The following PINX1 variants were observed in gnomAD, a reference collection of about 807,000 sequenced individuals.
The protein encoded by PINX1 is PIN2 (TERF1) interacting telomerase inhibitor 1, also known as PIN2/TERF1-interacting telomerase inhibitor 1.
PINX1 carries 34 observed loss-of-function variants against 25.4 expected under a neutral mutation model. The observed-to-expected ratio is 1.34, with a 90% CI of 1.02 to 1.78. The LOEUF is 1.78. Among genes scored for constraint, PINX1 ranks in the 40% most tolerant of loss-of-function variants. The probability of loss-of-function intolerance (pLI) is 0.00; values close to 1 mark genes in which losing one functional copy is unlikely to be tolerated. For synonymous variants in PINX1, 197 were observed against 147.7 expected, an observed-to-expected ratio of 1.33 and a Z score of -2.42; for missense variants, 592 against 404.9, an observed-to-expected ratio of 1.46 and a Z score of -3.97.
intron 4 of PINX1, 92 bp downstream of exon 4, chr8:10,831,573 T>C (rs1798227343): frequency 1.2e-5 from 9 of 769,194 alleles, no homozygotes; most frequent in South Asian, 1.5e-5. Context: ...TAAATATGTA[T>C]AATTATGTGT....
chr8:10,768,856 G>C (rs915087965), intron 6 of PINX1, among the ~76,000 whole-genome samples: 1 of 152,144 alleles, frequency 6.6e-6, no homozygotes, highest in Non-Finnish European at 1.5e-5. Context: ...ATCTTTTCAA[G>C]AAAACTAATG....
At chr8:10,786,203 T>A (rs1347736433) in intron 6 of PINX1, among the ~76,000 whole-genome samples, 2 of 152,216 alleles carry the variant, frequency 1.3e-5, no homozygotes, top group South Asian at 2.1e-4. Flanking sequence ...TAAAGAGACG[T>A]TACATTTTAG....
intron 4 of PINX1, among the ~76,000 whole-genome samples, chr8:10,828,711 C>T (rs1224716560): frequency 1.3e-5 from 2 of 152,192 alleles, no homozygotes; most frequent in East Asian, 3.9e-4. Flanking sequence ...TTCACGTGCA[C>T]TCATGCCTGA....
intron 6 of PINX1, among the ~76,000 whole-genome samples, chr8:10,816,114 G>A (rs1459761396): frequency 6.6e-6 from 1 of 152,280 alleles, no homozygotes; most frequent in African/African-American, 2.4e-5. Context: ...GGGAGGCCTT[G>A]GTGGTAATGA....
intron 6 of PINX1, among the ~76,000 whole-genome samples, chr8:10,766,169 T>C (rs1586121645): frequency 6.6e-6 from 1 of 152,058 alleles, no homozygotes; most frequent in Non-Finnish European, 1.5e-5. Context: ...GGTGGGGTGG[T>C]AGATGACAGG....
In PINX1 at chr8:10,832,892, T is replaced by C; in HGVS notation, c.222A>G (p.Glu74=). ...HLGLGATINN[E]DNWIAHQDDF... Reference sequence around the variant, plus strand: ...CCAGGAGGCACACACTGCTGCTCACTTCATTATTGATGGTAGCTCCGAGTC... The same window carrying C: ...CCAGGAGGCACACACTGCTGCTCACCTCATTATTGATGGTAGCTCCGAGTC... Residue 74 remains glutamate, a splice_region_variant and synonymous_variant, in exon 3 of 7, where the codon GAA becomes GAG. Coordinates refer to ENST00000314787, the MANE Select transcript of PINX1 (RefSeq NM_017884.6). The C allele has an allele frequency of 6.3e-7, 1 of 1,595,220 alleles. No individual in the cohort carries two copies. The highest frequency in any genetic ancestry group is 8.6e-7 in the Non-Finnish European group (1 of 1,163,674).
chr8:10,777,571 AC>A (rs1190240179), intron 6 of PINX1, among the ~76,000 whole-genome samples: 18 of 152,230 alleles, frequency 1.2e-4, no homozygotes, highest in Admixed American at 6.5e-4. Context: ...TGGCTTGGGG[AC>A]TGCAGGGAGT....
At chr8:10,767,545 T>C (rs1196976381) in intron 6 of PINX1, among the ~76,000 whole-genome samples, 2 of 152,236 alleles carry the variant, frequency 1.3e-5, no homozygotes, top group African/African-American at 4.8e-5. Context: ...TAGGGTGATT[T>C]TGAGAAAAAT....
rs767142620 is a variant in PINX1 at position 10,765,541 on chromosome 8, G to GCT, written c.845_846dup (p.Pro283SerfsTer10). ...AGGGTGAAGTCCCGGCCCTCAGGCG[G>GCT]CTGCACATGGTCCCCTGCATCCTGA... On this transcript the variant is annotated frameshift_variant, in exon 7 of 7. Coordinates refer to ENST00000314787, the MANE Select transcript of PINX1 (RefSeq NM_017884.6). LOFTEE classifies it low-confidence loss of function (END_TRUNC). 8.1e-6 allele frequency: 13 copies of GCT among 1,613,690 alleles called. No homozygotes were observed. In the East Asian group the frequency reaches 2.7e-4, roughly 33 times the overall value.
intron 2 of PINX1, chr8:10,834,383 G>A (rs960236098): frequency 1.1e-5 from 4 of 361,070 alleles, no homozygotes; most frequent in African/African-American, 8.4e-5. Flanking sequence ...GGTATCAGCA[G>A]AGGCTCTACT....
chr8:10,774,367 C>T (rs1019961420), intron 6 of PINX1, among the ~76,000 whole-genome samples: 8 of 152,044 alleles, frequency 5.3e-5, no homozygotes, highest in Admixed American at 3.3e-4. Flanking sequence ...CCGCAACCTC[C>T]GCCTCCAGGG....
At chr8:10,792,977 G>C (rs1358935541) in intron 6 of PINX1, among the ~76,000 whole-genome samples, 1 of 152,124 alleles carries the variant, frequency 6.6e-6, no homozygotes, top group African/African-American at 2.4e-5. Flanking sequence ...CCCTTGTCCA[G>C]ACTGTCTTGT....
chr8:10,770,259 T>C (rs1801182317), intron 6 of PINX1, among the ~76,000 whole-genome samples: 1 of 152,230 alleles, frequency 6.6e-6, no homozygotes, highest in Non-Finnish European at 1.5e-5. Flanking sequence ...AACAGGTCAA[T>C]TCAGGTGGTT....
intron 6 of PINX1, among the ~76,000 whole-genome samples, chr8:10,801,149 C>A (rs1802252388): frequency 1.3e-5 from 2 of 152,196 alleles, no homozygotes; most frequent in Admixed American, 6.5e-5. Flanking sequence ...CCTCAGTGAA[C>A]TCTTCTTCCC....
At chr8:10,766,422 G>C (rs1340112031) in intron 6 of PINX1, among the ~76,000 whole-genome samples, 1 of 152,212 alleles carries the variant, frequency 6.6e-6, no homozygotes, top group Non-Finnish European at 1.5e-5. Context: ...CTTCCATGAG[G>C]ACAGGAGCCG....
At chr8:10,789,727 G>C (rs1801863631) in intron 6 of PINX1, among the ~76,000 whole-genome samples, 1 of 152,092 alleles carries the variant, frequency 6.6e-6, no homozygotes, top group Non-Finnish European at 1.5e-5. Context: ...GTTCAGTATT[G>C]TCCGTATCCG....
chr8:10,830,239 T>G (rs11997941), intron 4 of PINX1, among the ~76,000 whole-genome samples: 12,043 of 152,282 alleles, frequency 0.079, 655 homozygotes, highest in African/African-American at 0.14. Context: ...TAAGGAAAAC[T>G]GTCCAAGTTA....
intron 6 of PINX1, among the ~76,000 whole-genome samples, chr8:10,808,439 G>A (rs1243627178): frequency 1.3e-5 from 2 of 152,118 alleles, no homozygotes; most frequent in African/African-American, 4.8e-5. Context: ...ATCTAGGTGC[G>A]TATATTACTT....
At chr8:10,791,781 G>A (rs1057035446) in intron 6 of PINX1, among the ~76,000 whole-genome samples, 3 of 152,114 alleles carry the variant, frequency 2.0e-5, no homozygotes, top group Non-Finnish European at 2.9e-5. Context: ...GGGTGGTGGC[G>A]GCAACCTCTC....
Sources: gnomAD v4.1 joint callset for allele counts (sites outside exome capture counted in the v4.1 genomes callset) on GRCh38, gnomAD v4.1.1 for gene constraint, MANE v1.5 for transcripts, NCBI Gene and HGNC (gene_info 2026-07-23, HGNC 2026-07-21) for gene names.